The following DYNC2LI1 variants were observed in gnomAD, a reference collection of about 807,000 sequenced individuals.
DYNC2LI1 encodes the protein dynein cytoplasmic 2 light intermediate chain 1, also known as cytoplasmic dynein 2 light intermediate chain 1.
Under a neutral mutation model 51.9 loss-of-function variants are expected in DYNC2LI1, and 45 were observed. The observed-to-expected ratio is 0.87, with a 90% CI of 0.68 to 1.11. The LOEUF is 1.11. Ranked by LOEUF, DYNC2LI1 falls within the 50% of genes most tolerant of loss-of-function variation. DYNC2LI1 has a pLI of 0.00. For missense variants in DYNC2LI1, 490 were observed against 417.4 expected (o/e 1.17, Z -1.51); for synonymous variants, 130 against 137.8 (o/e 0.94, Z 0.40).
At chr2:43,819,870 T>C in the DYNC2LI1 span, 2 of 1,594,388 alleles carry the variant, frequency 1.3e-6, no homozygotes, top group South Asian at 1.1e-5. Context: ...TGATCATTAA[T>C]AACAGATTAT....
intron 3 of DYNC2LI1, among the ~76,000 whole-genome samples, chr2:43,784,895 A>G (rs1211954610): frequency 1.3e-5 from 2 of 152,164 alleles, no homozygotes; most frequent in African/African-American, 4.8e-5. Flanking sequence ...ATTACTCTCT[A>G]TATAACGTAT....
At chr2:43,789,780 A>G (rs1673693888) in intron 5 of DYNC2LI1, 59 bp downstream of exon 5, 3 of 1,472,288 alleles carry the variant, frequency 2.0e-6, no homozygotes, top group South Asian at 1.2e-5. Flanking sequence ...TAGGAGGAAT[A>G]TGAGTTGGCT....
intron 6 of DYNC2LI1, chr2:43,794,892 A>G (rs1318536817): frequency 7.2e-7 from 1 of 1,388,202 alleles, no homozygotes; most frequent in African/African-American, 1.4e-5. Context: ...AATCAGAGAA[A>G]TAGAGTTTTA....
At position 43,793,736 on chromosome 2, in the gene DYNC2LI1, T is replaced by A. The variant is rs1193182710; in HGVS notation, c.321-721T>A. 2.0e-5 allele frequency: 3 copies of A among 152,178 alleles called. No homozygotes were observed. In the East Asian group the frequency reaches 5.8e-4, roughly 29 times the overall value. 9.4% of individuals were successfully genotyped at this position (152,178 alleles called of 1,614,324 possible). ...AATTACAGACATGAGCCACCATCCCTGGCCTCTTTGCCCATTTTTGAACAG... is the reference window on the plus strand; with the variant it reads ...AATTACAGACATGAGCCACCATCCCAGGCCTCTTTGCCCATTTTTGAACAG... On this transcript the variant is annotated intron_variant, in intron 5 of 12. Transcript: ENST00000260605.
chr2:43,797,941 C>T (rs190153310), intron 8 of DYNC2LI1, among the ~76,000 whole-genome samples: 1 of 152,194 alleles, frequency 6.6e-6, no homozygotes, highest in Admixed American at 6.5e-5. Context: ...GCCTGGGCAA[C>T]ATGGTGAGAA....
intron 10 of DYNC2LI1, among the ~76,000 whole-genome samples, chr2:43,803,958 AGC>A (rs1254420018): frequency 6.6e-6 from 1 of 152,226 alleles, no homozygotes. Flanking sequence ...ACATACAAGG[AGC>A]AAATTTGTGT....
At chr2:43,828,157 GGCT>G in the DYNC2LI1 span, 9 of 1,612,792 alleles carry the variant, frequency 5.6e-6, no homozygotes, top group East Asian at 8.9e-5. Flanking sequence ...GAGTCTCTGT[GGCT>G]GCTATTTCAA....
intron 10 of DYNC2LI1, among the ~76,000 whole-genome samples, chr2:43,804,114 T>C (rs17031602): frequency 0.022 from 3,302 of 152,302 alleles, 82 homozygotes; most frequent in African/African-American, 0.062. Flanking sequence ...TACCTTTTAA[T>C]TCAATATACC....
the DYNC2LI1 span, chr2:43,828,026 C>T: frequency 1.9e-6 from 3 of 1,614,146 alleles, no homozygotes; most frequent in Admixed American, 3.3e-5. Context: ...CCCGGCGCCG[C>T]TCACCCGTGG....
chr2:43,774,240 G>A, intron 1 of DYNC2LI1, 94 bp downstream of exon 1: 1 of 1,550,136 alleles, frequency 6.5e-7, no homozygotes, highest in Non-Finnish European at 8.8e-7. Context: ...AAGATTGTGG[G>A]GGTGGCTACT....
chr2:43,800,801 A>T, intron 8 of DYNC2LI1, 40 bp from the exon 9 acceptor site: 1 of 1,154,708 alleles, frequency 8.7e-7, no homozygotes, highest in East Asian at 2.5e-5. Flanking sequence ...CTGTGATTGG[A>T]AAATAGAGCA....
the DYNC2LI1 span, among the ~76,000 whole-genome samples, chr2:43,820,527 C>G: frequency 1.2e-4 from 18 of 152,342 alleles, no homozygotes; most frequent in African/African-American, 3.8e-4. Flanking sequence ...AACCTCATCT[C>G]TGTTATATGG....
chr2:43,824,362 T>C, the DYNC2LI1 span: 13 of 1,614,112 alleles, frequency 8.1e-6, no homozygotes, highest in Non-Finnish European at 1.1e-5. Flanking sequence ...AGGCAGATTC[T>C]ATCATCTGGA....
At position 43,787,163 on chromosome 2, in the gene DYNC2LI1, T is replaced by C. The variant is rs113363240; in HGVS notation, c.162-18T>C. The C allele has an allele frequency of 6.3e-7, 1 of 1,593,734 alleles. No individual in the cohort carries two copies. Among genetic ancestry groups the C allele is most frequent in the Non-Finnish European group, 8.6e-7 (1 of 1,162,602 alleles). On this transcript the variant is annotated intron_variant, in intron 3 of 12. Coordinates refer to ENST00000260605, the MANE Select transcript of DYNC2LI1 (RefSeq NM_016008.4). Reference sequence around the variant, plus strand: ...AATACCACCTACAATGATAATACTATCGGCCTTTATTATACAGAGATGAAC... The same window carrying C: ...AATACCACCTACAATGATAATACTACCGGCCTTTATTATACAGAGATGAAC...
intron 8 of DYNC2LI1, among the ~76,000 whole-genome samples, chr2:43,799,101 A>G (rs766872401): frequency 6.6e-6 from 1 of 152,150 alleles, no homozygotes; most frequent in Non-Finnish European, 1.5e-5. Context: ...GAAGTTCAAG[A>G]CCAGCCTGGG....
intron 6 of DYNC2LI1, 103 bp from the exon 7 acceptor site, chr2:43,795,787 T>C: frequency 1.2e-6 from 1 of 854,838 alleles, no homozygotes; most frequent in East Asian, 2.5e-5. Flanking sequence ...AGTAAACATC[T>C]ATGAAGAGAC....
rs578159100 is a variant in DYNC2LI1 at position 43,794,631 on chromosome 2, G to A, written c.495G>A (p.Pro165=). 259 of 1,614,022 alleles carry A rather than the reference G, an allele frequency of 1.6e-4. 4 individuals are homozygous for A. In the South Asian group the frequency reaches 2.5e-3, roughly 16 times the overall value. Reference sequence around the variant, plus strand: ...GACAGAAGATCTGGAATAATATGCCGAAGGATCATCCTGTGAGTTGCTGTT... The same window carrying A: ...GACAGAAGATCTGGAATAATATGCCAAAGGATCATCCTGTGAGTTGCTGTT... The part of the protein sequence containing the change: ...EMRQKIWNNM[P]KDHPDHELID... The change falls in exon 6 of 13, where the codon CCG becomes CCA. Residue 165 remains proline (P), a synonymous_variant. Transcript: ENST00000260605.
At chr2:43,803,086 C>T (rs1666128212) in intron 10 of DYNC2LI1, among the ~76,000 whole-genome samples, 2 of 152,142 alleles carry the variant, frequency 1.3e-5, no homozygotes, top group Admixed American at 1.3e-4. Flanking sequence ...TAAAATGGTA[C>T]AGCCACTCTA....
At chr2:43,794,317 T>G (rs1673928868) in intron 5 of DYNC2LI1, 140 bp from the exon 6 acceptor site, 3 of 923,834 alleles carry the variant, frequency 3.2e-6, no homozygotes, top group Non-Finnish European at 3.1e-6. Context: ...TTTTTGTTTT[T>G]GGGAGTCTTA....
Sources: allele counts gnomAD v4.1 joint callset (sites outside exome capture counted in the v4.1 genomes callset), GRCh38; gene constraint gnomAD v4.1.1; transcripts MANE v1.5; gene names NCBI Gene and HGNC (gene_info 2026-07-23, HGNC 2026-07-21).